ZNF516: variants seen among roughly 807,000 people sequenced by gnomAD.
The protein encoded by ZNF516 is zinc finger protein 516.
A neutral mutation model predicts 79.7 loss-of-function variants in ZNF516; 19 were observed. The ratio of observed to expected loss-of-function variants is 0.24; its 90% CI spans 0.17 to 0.35. ZNF516 has a LOEUF of 0.35. Among genes scored for constraint, ZNF516 ranks in the 10% least tolerant of loss-of-function variants. The probability of loss-of-function intolerance (pLI) is 1.00; values close to 1 mark genes in which losing one functional copy is unlikely to be tolerated. For synonymous variants in ZNF516, 877 were observed against 739.5 expected (o/e 1.19, Z -3.02); for missense variants, 1,678 against 1,679.5 (o/e 1.00, Z 0.02).
rs938369453 is a variant in ZNF516 at position 76,459,739 on chromosome 18, T to C, written c.-158+3289A>G. On this transcript the variant is annotated intron_variant, in intron 2 of 6. Coordinates refer to ENST00000443185, the MANE Select transcript of ZNF516 (RefSeq NM_014643.4). This position sits in a 1 kb window ranked among gnomAD's most constrained non-coding sequence, Gnocchi z 5.0. Reference sequence around the variant, plus strand: ...CTCACGCTACACCAGGCACTGCTCCTGGAGCACAGTGGGTATCCCATCACA... The same window carrying C: ...CTCACGCTACACCAGGCACTGCTCCCGGAGCACAGTGGGTATCCCATCACA... 6.6e-6 allele frequency among the ~76,000 whole-genome samples: 1 copy of C among 152,140 alleles called. No individual in the cohort carries two copies. The highest frequency in any genetic ancestry group is 2.4e-5 in the African/African-American group (1 of 41,436).
intron 1 of ZNF516, among the ~76,000 whole-genome samples, chr18:76,478,802 T>A (rs918101868): frequency 6.6e-6 from 1 of 152,258 alleles, no homozygotes; most frequent in Admixed American, 6.5e-5. Context: ...AGACCTGTAA[T>A]CCCGGCACTG....
intron 1 of ZNF516, among the ~76,000 whole-genome samples, chr18:76,483,774 G>C (rs966945394): frequency 5.9e-5 from 9 of 152,172 alleles, no homozygotes; most frequent in Middle Eastern, 3.4e-3. Context: ...ATAACCATTG[G>C]GTTTCGCAAG....
intron 3 of ZNF516, among the ~76,000 whole-genome samples, chr18:76,437,261 C>T (rs1007151241): frequency 2.0e-4 from 30 of 152,178 alleles, no homozygotes; most frequent in African/African-American, 6.3e-4. Flanking sequence ...CCTCCAAGCA[C>T]GTGCTCAGCA....
In ZNF516 at chr18:76,379,559, G is replaced by C; in HGVS notation, c.2555C>G (p.Ser852Cys). 6.2e-7 allele frequency: 1 copy of C among 1,613,682 alleles called. No homozygotes were observed. ...GGMPGSKSGSSPLGVVTKAAS... is the reference protein window; with the variant it reads ...GGMPGSKSGSCPLGVVTKAAS... ...GGCTTTTGTGACCACTCCCAGGGGA[G>C]AAGAGCCACTTTTGGACCCCGGCAT... The change falls in exon 4 of 7, where the codon TCT becomes TGT. Residue 852 changes from serine (S) to cysteine (C), a missense_variant. Physicochemically the swap from Ser to Cys is moderately radical, Grantham distance 112 (BLOSUM62 -1). Coordinates refer to ENST00000443185, the MANE Select transcript of ZNF516 (RefSeq NM_014643.4).
At chr18:76,426,710 T>C (rs1230773929) in intron 3 of ZNF516, among the ~76,000 whole-genome samples, 1 of 152,168 alleles carries the variant, frequency 6.6e-6, no homozygotes, top group Non-Finnish European at 1.5e-5. Flanking sequence ...CACATACGCA[T>C]GGATAAAGGG....
rs139895432 is a variant in ZNF516 at position 76,368,652 on chromosome 18, TAAC to T, written c.3432+1873_3432+1875del. Among the ~76,000 whole-genome samples the T allele has an allele frequency of 5.8e-3, 890 of 152,218 alleles. 5 individuals carry two copies. The highest frequency in any genetic ancestry group is 0.02 in the African/African-American group (847 of 41,510). On this transcript the variant is annotated intron_variant, in intron 6 of 6. Transcript: ENST00000443185. ...AGGATAGTTGGTATGAAGTATAAAATAACAATATTTTAGTCTAGAGAGACAAAG... is the reference window on the plus strand; with the variant it reads ...AGGATAGTTGGTATGAAGTATAAAATAATATTTTAGTCTAGAGAGACAAAG...
chr18:76,396,477 T>C (rs534400160), intron 3 of ZNF516, among the ~76,000 whole-genome samples: 2 of 152,342 alleles, frequency 1.3e-5, no homozygotes, highest in Admixed American at 6.5e-5. Flanking sequence ...GAATCTGTAG[T>C]AACTTTTATA....
chr18:76,464,351 G>A (rs543025356), intron 1 of ZNF516, among the ~76,000 whole-genome samples: 20 of 152,136 alleles, frequency 1.3e-4, no homozygotes, highest in Non-Finnish European at 2.5e-4. Flanking sequence ...CAGGCTGGGC[G>A]ACAGAGTGAG....
At chr18:76,392,591 C>CACGTGA in intron 3 of ZNF516, among the ~76,000 whole-genome samples, 1 of 81,300 alleles carries the variant, frequency 1.2e-5, no homozygotes, top group African/African-American at 5.2e-5. Context: ...GGCAGGTGGC[C>CACGTGA]GGGTGGGGGA....
At chr18:76,376,414 G>A (rs1470071254) in intron 4 of ZNF516, among the ~76,000 whole-genome samples, 5 of 151,966 alleles carry the variant, frequency 3.3e-5, no homozygotes, top group Admixed American at 3.3e-4. Flanking sequence ...CCCTAAATTT[G>A]CTGACTCACA....
At chr18:76,487,969 T>G in intron 1 of ZNF516, 1 of 985,296 alleles carries the variant, frequency 1.0e-6, no homozygotes, top group Non-Finnish European at 1.2e-6. Context: ...ATGCCACCAG[T>G]TAGCGACCAG....
intron 3 of ZNF516, among the ~76,000 whole-genome samples, chr18:76,384,944 C>G (rs2074961616): frequency 6.6e-6 from 1 of 152,244 alleles, no homozygotes; most frequent in South Asian, 2.1e-4. Flanking sequence ...GCCGAGGGCA[C>G]ACACCAGAGA....
At chr18:76,458,878 C>T (rs1345411807) in intron 2 of ZNF516, among the ~76,000 whole-genome samples, 1 of 149,412 alleles carries the variant, frequency 6.7e-6, no homozygotes, top group Non-Finnish European at 1.5e-5. Flanking sequence ...GCCTCACCGT[C>T]GTGTGTGTGC....
At chr18:76,395,842 C>T (rs1372118516) in intron 3 of ZNF516, among the ~76,000 whole-genome samples, 3 of 152,172 alleles carry the variant, frequency 2.0e-5, no homozygotes, top group African/African-American at 7.2e-5. Context: ...GTGGGCCAGC[C>T]GCCCTGCAGG....
In ZNF516 at chr18:76,442,065, G is replaced by A; in HGVS notation, c.990C>T (p.Gly330=). The part of the protein sequence containing the change: ...NVVQEEVIVA[G]LSLYEVCAKC... Reference sequence around the variant, plus strand: ...TGGCGCAGACCTCGTAGAGGCTCAGGCCGGCGACGATCACCTCCTCCTGGA... The same window carrying A: ...TGGCGCAGACCTCGTAGAGGCTCAGACCGGCGACGATCACCTCCTCCTGGA... Residue 330 remains glycine (G), a synonymous_variant, in exon 3 of 7, where the codon GGC becomes GGT. Coordinates refer to ENST00000443185, the MANE Select transcript of ZNF516 (RefSeq NM_014643.4). 1.9e-6 allele frequency: 3 copies of A among 1,614,016 alleles called. No homozygotes were observed. Among genetic ancestry groups the A allele is most frequent in the East Asian group, 2.2e-5 (1 of 44,886 alleles).
intron 4 of ZNF516, among the ~76,000 whole-genome samples, chr18:76,376,845 C>T (rs2074795567): frequency 6.6e-6 from 1 of 152,080 alleles, no homozygotes; most frequent in Non-Finnish European, 1.5e-5. Flanking sequence ...GCGTCAAACT[C>T]CCCTTGCTCT....
chr18:76,433,060 A>G lies in ZNF516; in HGVS notation c.1810+8185T>C, dbSNP rs375179601. On this transcript the variant is annotated intron_variant, in intron 3 of 6. Transcript: ENST00000443185. ...GTGGCAACGACACTGAAATCCACAC[A>G]TGCGGCACTTTCCATTGAAGACTCT... Among the ~76,000 whole-genome samples the G allele has an allele frequency of 7.5e-4, 114 of 152,294 alleles. 2 individuals carry two copies. The highest frequency in any genetic ancestry group is 2.5e-3 in the African/African-American group (104 of 41,558).
At chr18:76,428,444 G>T (rs950604664) in intron 3 of ZNF516, among the ~76,000 whole-genome samples, 3 of 151,516 alleles carry the variant, frequency 2.0e-5, no homozygotes, top group African/African-American at 7.3e-5. Flanking sequence ...CCTAAGTGTT[G>T]TCAGCATGTT....
At chr18:76,431,099 T>C (rs902161432) in intron 3 of ZNF516, among the ~76,000 whole-genome samples, 1 of 152,142 alleles carries the variant, frequency 6.6e-6, no homozygotes, top group Non-Finnish European at 1.5e-5. Flanking sequence ...AAATTATATA[T>C]GCAAATACTG....
Sources: allele counts gnomAD v4.1 joint callset (sites outside exome capture counted in the v4.1 genomes callset), GRCh38; gene constraint gnomAD v4.1.1; non-coding constraint Gnocchi (gnomAD v3.1); transcripts MANE v1.5; gene names NCBI Gene and HGNC (gene_info 2026-07-23, HGNC 2026-07-21).